FTSJ3: variants seen among roughly 807,000 people sequenced by gnomAD.
The protein encoded by FTSJ3 is pre-rRNA 2'-O-ribose RNA methyltransferase FTSJ3.
FTSJ3 carries 46 observed loss-of-function variants against 111.5 expected under a neutral mutation model. The ratio of observed to expected loss-of-function variants is 0.41; its 90% CI spans 0.33 to 0.53. The LOEUF (loss-of-function observed/expected upper bound fraction) is 0.53, where lower values mean the gene tolerates loss of function less well. Among genes scored for constraint, FTSJ3 ranks in the 20% least tolerant of loss-of-function variants. The probability of loss-of-function intolerance (pLI) is 0.19; values close to 1 mark genes in which losing one functional copy is unlikely to be tolerated. For missense variants in FTSJ3, 1,075 were observed against 1,063.8 expected, an observed-to-expected ratio of 1.01 and a Z score of -0.15; for synonymous variants, 408 against 383.0, an observed-to-expected ratio of 1.07 and a Z score of -0.76.
chr17:63,824,514 T>G, intron 10 of FTSJ3, 103 bp from the exon 11 acceptor site: 1 of 1,460,340 alleles, frequency 6.8e-7, no homozygotes, highest in South Asian at 1.1e-5. Context: ...GCTACATAAA[T>G]CAAAAGGCTC....
In FTSJ3 at chr17:63,824,738, CTGTT is replaced by C. The variant is rs1415168091; in HGVS notation, c.817-5_817-2del. On this transcript the variant is annotated splice_acceptor_variant and splice_polypyrimidine_tract_variant and intron_variant, in intron 9 of 20. Transcript: ENST00000427159. LOFTEE classifies it high-confidence loss of function. ...CCAACTCTTCATCATCTACCATGAT[CTGTT>C]TGGGAGGATGGAAAGGTGTCAGGGG... The C allele has an allele frequency of 6.2e-6, 10 of 1,613,218 alleles. No homozygotes were observed. The highest frequency in any genetic ancestry group is 8.5e-6 in the Non-Finnish European group (10 of 1,179,282).
chr17:63,824,975 C>A (rs369836230), intron 8 of FTSJ3, 46 bp from the exon 9 acceptor site: 1 of 1,572,998 alleles, frequency 6.4e-7, no homozygotes, highest in African/African-American at 1.4e-5. Context: ...TTCTAAGGTA[C>A]CTGTAGGACC....
At position 63,819,510 on chromosome 17, in the gene FTSJ3, T is replaced by TCGGTG; in HGVS notation, c.*291_*292insCACCG. The TCGGTG allele has an allele frequency of 8.4e-6, 3 of 355,638 alleles. No homozygotes were observed. Among genetic ancestry groups the TCGGTG allele is most frequent in the South Asian group, 6.0e-5 (1 of 16,698 alleles). 22.0% of individuals were successfully genotyped at this position (355,638 alleles called of 1,614,324 possible). The stretch of plus-strand genomic sequence containing the variant: ...GTGGCCCACACGTCCAGGTGTAGAC[T>TCGGTG]GACTACATTGAGTATCGCTCCAACA... On this transcript the variant is annotated 3_prime_UTR_variant, in exon 21 of 21. Transcript: ENST00000427159.
chr17:63,820,130 A>G lies in FTSJ3; in HGVS notation c.2300T>C (p.Val767Ala). The G allele has an allele frequency of 6.2e-7, 1 of 1,614,146 alleles. No individual in the cohort carries two copies. Among genetic ancestry groups the G allele is most frequent in the Non-Finnish European group, 8.5e-7 (1 of 1,180,026 alleles). ...TTCTGAGATGTCCACTGTGTTCACC[A>G]CGGCTTCTGCCTTCTTCCTGGTCTG... ...LEQTRKKAEAVVNTVDISERE... is the reference protein window; with the variant it reads ...LEQTRKKAEAAVNTVDISERE... The change falls in exon 20 of 21, where the codon GTG (valine) becomes GCG (alanine). Residue 767 changes from valine (V) to alanine (A), a missense_variant. This residue lies in a region of FTSJ3 where 867 missense variants were observed against 796.9 expected (regional missense o/e 1.09). Coordinates refer to ENST00000427159, the MANE Select transcript of FTSJ3 (RefSeq NM_017647.4).
intron 20 of FTSJ3, 22 bp from the exon 21 acceptor site, chr17:63,820,016 G>A (rs2040032110): frequency 1.9e-6 from 3 of 1,613,882 alleles, no homozygotes; most frequent in African/African-American, 2.7e-5. Context: ...AAGAGAAGAG[G>A]TTAGAGGCTT....
In FTSJ3 at chr17:63,827,055, G is replaced by C; in HGVS notation, c.-30C>G. 1.4e-6 allele frequency: 1 copy of C among 717,168 alleles called. No individual in the cohort carries two copies. Among genetic ancestry groups the C allele is most frequent in the East Asian group, 2.6e-5 (1 of 38,500 alleles). The allele number at this position is 717,168 out of a possible 1,614,324, so 44.4% of individuals were successfully genotyped here. ...CGCGCCCCTCTCCGCACACTACCTA[G>C]ACCCAGAGCCGCTTTCTCCACACTT... On this transcript the variant is annotated 5_prime_UTR_variant, in exon 1 of 21. Coordinates refer to ENST00000427159, the MANE Select transcript of FTSJ3 (RefSeq NM_017647.4).
intron 5 of FTSJ3, 157 bp from the exon 6 acceptor site, chr17:63,825,792 T>C (rs1011446583): frequency 1.5e-6 from 1 of 657,656 alleles, no homozygotes; most frequent in African/African-American, 1.8e-5. Flanking sequence ...TGTCTCTACC[T>C]TCATGGAGAT....
At chr17:63,826,217 C>A in intron 4 of FTSJ3, 41 bp downstream of exon 4, 1 of 1,610,536 alleles carries the variant, frequency 6.2e-7, no homozygotes, top group Non-Finnish European at 8.5e-7. Flanking sequence ...ACCTTATACA[C>A]CCACCCCTTA....
intron 5 of FTSJ3, 107 bp downstream of exon 5, chr17:63,825,949 A>G (rs1366046985): frequency 2.2e-6 from 2 of 889,066 alleles, no homozygotes; most frequent in Admixed American, 4.4e-5. Flanking sequence ...GATGTCAGGC[A>G]AGAACGTGCT....
At position 63,821,217 on chromosome 17, in the gene FTSJ3, G is replaced by C. The variant is rs994012922; in HGVS notation, c.1887-102C>G. 29 of 1,517,828 alleles carry C rather than the reference G, an allele frequency of 1.9e-5. No individual in the cohort carries two copies. In the African/African-American group the frequency reaches 3.2e-4, roughly 17 times the overall value. The allele number at this position is 1,517,828 out of a possible 1,614,324, so 94.0% of individuals were successfully genotyped here. A position where few individuals can be genotyped will look rare whatever the true frequency, so the allele number is the denominator to read the frequency against. On this transcript the variant is annotated intron_variant, in intron 16 of 20. Coordinates refer to ENST00000427159, the MANE Select transcript of FTSJ3 (RefSeq NM_017647.4). The stretch of plus-strand genomic sequence containing the variant: ...ATCCTGCCATGCAGGCTGTACCCCA[G>C]ACCAGTTAAATCAGGATCGTCAGTA...
intron 13 of FTSJ3, chr17:63,823,459 G>C: frequency 5.5e-6 from 1 of 181,322 alleles, no homozygotes; most frequent in Non-Finnish European, 1.2e-5. Flanking sequence ...GCCAGGCGTG[G>C]TGGTAGGCGC....
Position 63,819,473 on chromosome 17 carries a change from G to T in FTSJ3, c.*329C>A, listed in dbSNP as rs2040024385. ...TTTATTCAGGAATAGGATGGGGGTG[G>T]GGAGGGCTTAAGTGGCCCACACGTC... On this transcript the variant is annotated 3_prime_UTR_variant, in exon 21 of 21. Transcript: ENST00000427159. 1 of 259,088 alleles carries T rather than the reference G, an allele frequency of 3.9e-6. No individual in the cohort carries two copies. The highest frequency in any genetic ancestry group is 7.4e-6 in the Non-Finnish European group (1 of 135,322). The allele number at this position is 259,088 out of a possible 1,614,324, so 16.0% of individuals were successfully genotyped here.
intron 20 of FTSJ3, 36 bp downstream of exon 20, chr17:63,820,043 T>C (rs370920404): frequency 1.5e-4 from 241 of 1,614,054 alleles, no homozygotes; most frequent in Non-Finnish European, 1.9e-4. Flanking sequence ...TGCTGCACTT[T>C]TAGCCCTGTG....
In FTSJ3 at chr17:63,821,341, T is replaced by A; in HGVS notation, c.1886+13A>T. On this transcript the variant is annotated intron_variant, in intron 16 of 20. Coordinates refer to ENST00000427159, the MANE Select transcript of FTSJ3 (RefSeq NM_017647.4). ...CTTCCTTTCCATCCCTTCTCTCAGCTGCAACTACTCACCTCTCTTCTTCCT... is the reference window on the plus strand; with the variant it reads ...CTTCCTTTCCATCCCTTCTCTCAGCAGCAACTACTCACCTCTCTTCTTCCT... 6.3e-7 allele frequency: 1 copy of A among 1,592,594 alleles called. No individual in the cohort carries two copies. The highest frequency in any genetic ancestry group is 1.1e-5 in the South Asian group (1 of 88,566).
At position 63,820,312 on chromosome 17, in the gene FTSJ3, T is replaced by C. The variant is rs114633570; in HGVS notation, c.2199A>G (p.Glu733=). The C allele has an allele frequency of 5.6e-6, 9 of 1,613,650 alleles. No individual in the cohort carries two copies. Among genetic ancestry groups the C allele is most frequent in the African/African-American group, 1.3e-5 (1 of 74,854 alleles). The change falls in exon 19 of 21, where the codon GAA becomes GAG. Residue 733 remains glutamate (E), a synonymous_variant. Coordinates refer to ENST00000427159, the MANE Select transcript of FTSJ3 (RefSeq NM_017647.4). ...CCTTCTTGATGGGACGTGCATTGAT[T>C]TCCCGCCAGCGTTTCCGGTAATGCT... ...EVEHYRKRWR[E]INARPIKKVA...
rs1376278641 is a variant in FTSJ3 at position 63,820,359 on chromosome 17, G to A, written c.2152C>T (p.Pro718Ser). ...TGCTCCACCTCCTTCTTACCAACAG[G>A]CAACTGTCGTATCCGGTGCTGCTTT... is the stretch of plus-strand genomic sequence containing the variant. ...EEKQHRIRQL[P>S]VGKKEVEHYR... The change falls in exon 19 of 21, where the codon CCT becomes TCT. Residue 718 changes from proline to serine, a missense_variant. Pro to Ser is a moderately conservative substitution (Grantham distance 74). This residue lies in a region of FTSJ3 where 867 missense variants were observed against 796.9 expected (regional missense o/e 1.09). Coordinates refer to ENST00000427159, the MANE Select transcript of FTSJ3 (RefSeq NM_017647.4). The A allele has an allele frequency of 6.2e-7, 1 of 1,614,096 alleles. No individual in the cohort carries two copies. The highest frequency in any genetic ancestry group is 1.7e-5 in the Admixed American group (1 of 60,028).
intron 5 of FTSJ3, 97 bp from the exon 6 acceptor site, chr17:63,825,732 G>A: frequency 2.0e-6 from 2 of 1,002,042 alleles, no homozygotes; most frequent in Admixed American, 1.9e-5. Context: ...CCCATCATGG[G>A]CCAAATGCAG....
chr17:63,821,355 T>A lies in FTSJ3; in HGVS notation c.1885A>T (p.Ser629Cys). 6.2e-7 allele frequency: 1 copy of A among 1,601,660 alleles called. No homozygotes were observed. The highest frequency in any genetic ancestry group is 8.5e-7 in the Non-Finnish European group (1 of 1,173,134). The change falls in exon 16 of 21, where the codon AGC becomes TGC. Residue 629 changes from serine to cysteine, a missense_variant and splice_region_variant. Ser to Cys is a moderately radical substitution (Grantham distance 112). Coordinates refer to ENST00000427159, the MANE Select transcript of FTSJ3 (RefSeq NM_017647.4). ...DSSTSSEEEESWEPLRGKKRS... is the reference protein window; with the variant it reads ...DSSTSSEEEECWEPLRGKKRS... The stretch of plus-strand genomic sequence containing the variant: ...CTTCTCTCAGCTGCAACTACTCACC[T>A]CTCTTCTTCCTCACTGCTAGTACTG...
At chr17:63,823,363 A>G (rs1322870046) in intron 13 of FTSJ3, among the ~76,000 whole-genome samples, 1 of 152,200 alleles carries the variant, frequency 6.6e-6, no homozygotes, top group African/African-American at 2.4e-5. Flanking sequence ...TGGGAGGCCG[A>G]GGTGGGCAGA....
Sources: allele counts gnomAD v4.1 joint callset (sites outside exome capture counted in the v4.1 genomes callset), GRCh38; gene constraint gnomAD v4.1.1; regional missense constraint gnomAD v4.1.1; transcripts MANE v1.5; gene names NCBI Gene and HGNC (gene_info 2026-07-23, HGNC 2026-07-21).